The following GRIK3 variants were observed in gnomAD, a reference collection of about 807,000 sequenced individuals.
GRIK3 encodes the protein glutamate ionotropic receptor kainate type subunit 3.
GRIK3 carries 29 observed loss-of-function variants against 102.5 expected under a neutral mutation model. The ratio of observed to expected loss-of-function variants is 0.28; its 90% CI spans 0.21 to 0.39. The LOEUF (loss-of-function observed/expected upper bound fraction) is 0.39, where lower values mean the gene tolerates loss of function less well. GRIK3 is among the 10% of genes least tolerant of loss of function. GRIK3 has a pLI of 1.00. For synonymous variants in GRIK3, 511 were observed against 504.9 expected (o/e 1.01, Z -0.16); for missense variants, 908 against 1,252.4 (o/e 0.73, Z 4.15).
intron 1 of GRIK3, among the ~76,000 whole-genome samples, chr1:36,983,414 G>A (rs958695330): frequency 2.6e-5 from 4 of 152,082 alleles, no homozygotes; most frequent in African/African-American, 7.2e-5. Context: ...TACCCCTTCT[G>A]GCACCGGGTG....
At chr1:36,962,646 G>C (rs989932034) in intron 1 of GRIK3, among the ~76,000 whole-genome samples, 6 of 121,272 alleles carry the variant, frequency 4.9e-5, no homozygotes, top group Non-Finnish European at 1.1e-4. Flanking sequence ...GAGGAAGAGA[G>C]AGAGAGAGAG....
intron 1 of GRIK3, among the ~76,000 whole-genome samples, chr1:36,960,014 A>C: frequency 1.3e-5 from 1 of 75,252 alleles, no homozygotes; most frequent in Non-Finnish European, 2.7e-5. Context: ...TGTGTGCCCC[A>C]TAAGTCTGTG....
At chr1:36,807,113 C>T (rs1642510063) in intron 13 of GRIK3, among the ~76,000 whole-genome samples, 1 of 152,102 alleles carries the variant, frequency 6.6e-6, no homozygotes, top group Admixed American at 6.6e-5. Flanking sequence ...CCTTCAGCTA[C>T]ACCAGAGCCC....
At chr1:36,943,363 G>C (rs998669009) in intron 1 of GRIK3, among the ~76,000 whole-genome samples, 7 of 152,216 alleles carry the variant, frequency 4.6e-5, no homozygotes, top group African/African-American at 9.6e-5. Flanking sequence ...GAGAAGGAAG[G>C]CATTGAAGCC....
At chr1:36,875,827 C>G (rs1332557545) in intron 3 of GRIK3, among the ~76,000 whole-genome samples, 2 of 152,200 alleles carry the variant, frequency 1.3e-5, no homozygotes, top group African/African-American at 4.8e-5. Context: ...GTTTGTTACA[C>G]AGCATTATTA....
intron 10 of GRIK3, among the ~76,000 whole-genome samples, chr1:36,836,466 T>TC (rs1434612221): frequency 1.3e-5 from 2 of 152,324 alleles, no homozygotes; most frequent in South Asian, 4.1e-4. Flanking sequence ...CATCAAGTGC[T>TC]CCCCGTCGGT....
At chr1:36,863,565 C>G (rs1406746730) in intron 5 of GRIK3, among the ~76,000 whole-genome samples, 2 of 152,092 alleles carry the variant, frequency 1.3e-5, no homozygotes, top group Non-Finnish European at 2.9e-5. Context: ...GCTTCTCGTC[C>G]CTCTGTTCAG....
chr1:36,962,029 T>C (rs1376000267), intron 1 of GRIK3, among the ~76,000 whole-genome samples: 5 of 151,136 alleles, frequency 3.3e-5, no homozygotes, highest in African/African-American at 1.2e-4. Context: ...GACATGCTGG[T>C]GGGAAGACAC....
intron 7 of GRIK3, among the ~76,000 whole-genome samples, 172 bp downstream of exon 7, chr1:36,858,936 G>C (rs1640685728): frequency 6.6e-6 from 1 of 152,194 alleles, no homozygotes; most frequent in Non-Finnish European, 1.5e-5. Flanking sequence ...CCATAAGTTT[G>C]GTCCTATGGA....
rs2124177914 is a variant in GRIK3 at position 36,806,172 on chromosome 1, C to T, written c.2246G>A (p.Arg749Lys). Residue 749 changes from arginine (R) to lysine (K), a missense_variant, in exon 14 of 16, where the codon AGG becomes AAG. By Grantham distance (26) the Arg-to-Lys change is conservative. Around this residue, in one of 3 missense-constraint regions of GRIK3, gnomAD observed 297 missense variants for 362.7 expected, o/e 0.82. Transcript: ENST00000373091. The surrounding 1 kb of genome is among the most constrained non-coding windows in gnomAD (Gnocchi z 4.0). ...CCCGATCTGGGTGAGGTTGCAGTTC[C>T]TCTGCGTGACGTACTCGATGGTGGT... The part of the protein sequence containing the change: ...ESTTIEYVTQ[R>K]NCNLTQIGGL... The T allele has an allele frequency of 6.2e-7, 1 of 1,614,154 alleles. No homozygotes were observed. The highest frequency in any genetic ancestry group is 8.5e-7 in the Non-Finnish European group (1 of 1,180,046).
At chr1:36,978,387 G>C (rs1288358789) in intron 1 of GRIK3, among the ~76,000 whole-genome samples, 1 of 152,192 alleles carries the variant, frequency 6.6e-6, no homozygotes, top group African/African-American at 2.4e-5. Context: ...GACCTCCACA[G>C]GTTTATGGAC....
intron 1 of GRIK3, among the ~76,000 whole-genome samples, chr1:37,003,928 G>A (rs72923872): frequency 1.2e-3 from 184 of 152,282 alleles, no homozygotes; most frequent in African/African-American, 4.0e-3. Flanking sequence ...CAGAAAGAAG[G>A]GAGAGGAGGG....
intron 1 of GRIK3, among the ~76,000 whole-genome samples, chr1:36,903,522 G>GCTTTATTTATT (rs1463915872): frequency 2.0e-5 from 3 of 152,244 alleles, no homozygotes; most frequent in East Asian, 3.8e-4. Flanking sequence ...ACATGGATGT[G>GCTTTATTTATT]TATAGCAGCT....
At position 36,880,818 on chromosome 1, in the gene GRIK3, C is replaced by T; in HGVS notation, c.366G>A (p.Gln122=). Residue 122 remains glutamine (Q), a synonymous_variant, in exon 3 of 16, where the codon CAG becomes CAA. Coordinates refer to ENST00000373091, the MANE Select transcript of GRIK3 (RefSeq NM_000831.4). This position sits in a 1 kb window ranked among gnomAD's most constrained non-coding sequence, Gnocchi z 5.4. ...PSQGSCTNAV[Q]SICNALEVPH... is the part of the protein sequence containing the mutation. ...GCACCTCCAGGGCATTGCAGATGGACTGGACGGCATTGGTGCAGGAGCCCT... is the reference window on the plus strand; with the variant it reads ...GCACCTCCAGGGCATTGCAGATGGATTGGACGGCATTGGTGCAGGAGCCCT... 1 of 1,614,154 alleles carries T rather than the reference C, an allele frequency of 6.2e-7. No individual in the cohort carries two copies. Among genetic ancestry groups the T allele is most frequent in the African/African-American group, 1.3e-5 (1 of 75,042 alleles).
rs1640578104 is a variant in GRIK3, at chr1:36,850,962, C to T, written c.1213-538G>A. 6.6e-6 allele frequency among the ~76,000 whole-genome samples: 1 copy of T among 152,228 alleles called. No individual in the cohort carries two copies. The highest frequency in any genetic ancestry group is 6.5e-5 in the Admixed American group (1 of 15,268). ...GACTAAGGTAGAATAATCTCTCTCT[C>T]TACAGCGTCCTTGTGGATATCGGGC... On this transcript the variant is annotated intron_variant, in intron 8 of 15. Transcript: ENST00000373091. The surrounding 1 kb of genome is among the most constrained non-coding windows in gnomAD (Gnocchi z 4.0).
chr1:36,999,381 G>A (rs1251497177), intron 1 of GRIK3, among the ~76,000 whole-genome samples: 1 of 152,230 alleles, frequency 6.6e-6, no homozygotes, highest in East Asian at 1.9e-4. Context: ...GTCGGGAGCC[G>A]GGTTGGGGAG....
chr1:36,848,086 T>C (rs954286372), intron 9 of GRIK3, among the ~76,000 whole-genome samples: 7 of 152,248 alleles, frequency 4.6e-5, no homozygotes, highest in African/African-American at 1.7e-4. Context: ...CACTCACAGG[T>C]CGAGAGCATG....
intron 4 of GRIK3, among the ~76,000 whole-genome samples, chr1:36,871,794 C>G (rs887121665): frequency 1.3e-5 from 2 of 152,162 alleles, no homozygotes; most frequent in Non-Finnish European, 2.9e-5. Context: ...GTGAGGCATT[C>G]TGGGGGCTGT....
At chr1:36,912,330 T>C (rs1471668860) in intron 1 of GRIK3, among the ~76,000 whole-genome samples, 9 of 152,160 alleles carry the variant, frequency 5.9e-5, no homozygotes, top group Non-Finnish European at 8.8e-5. Flanking sequence ...GCCTGGGAGC[T>C]GGTGGATAAA....
Sources: allele counts gnomAD v4.1 joint callset (sites outside exome capture counted in the v4.1 genomes callset), GRCh38; gene constraint gnomAD v4.1.1; regional missense constraint gnomAD v4.1.1; non-coding constraint Gnocchi (gnomAD v3.1); transcripts MANE v1.5; gene names NCBI Gene and HGNC (gene_info 2026-07-23, HGNC 2026-07-21).